The following ASNS variants were observed in gnomAD, a reference collection of about 807,000 sequenced individuals.
ASNS encodes asparagine synthetase [glutamine-hydrolyzing].
In ASNS, 37 loss-of-function variants were observed where a neutral mutation model predicts 62.6. That is an observed-to-expected ratio of 0.59 (90% CI 0.45 to 0.78). The LOEUF (loss-of-function observed/expected upper bound fraction) is 0.78, where lower values mean the gene tolerates loss of function less well. ASNS is among the 30% of genes least tolerant of loss of function. The pLI is 0.00. For synonymous variants in ASNS, 207 were observed against 237.9 expected (o/e 0.87, Z 1.19); for missense variants, 520 against 682.4 (o/e 0.76, Z 2.65).
At chr7:97,858,210 C>T (rs1311389435) in intron 7 of ASNS, 68 bp downstream of exon 7, 271 of 1,571,996 alleles carry the variant, frequency 1.7e-4, no homozygotes, top group Non-Finnish European at 2.2e-4. Context: ...CCATTATTGA[C>T]TCCATTTTCA....
the ASNS span, chr7:97,906,919 C>G: frequency 6.6e-6 from 1 of 152,072 alleles, no homozygotes; most frequent in Admixed American, 6.6e-5. Flanking sequence ...CTCTGTGACT[C>G]TACCTTTTTG....
chr7:97,890,666 G>T, the ASNS span, among the ~76,000 whole-genome samples: 2 of 152,168 alleles, frequency 1.3e-5, no homozygotes, highest in East Asian at 3.8e-4. Context: ...AGGACCATTT[G>T]ATCCCAGGAG....
At chr7:97,916,511 C>A in the ASNS span, among the ~76,000 whole-genome samples, 2 of 152,336 alleles carry the variant, frequency 1.3e-5, no homozygotes, top group East Asian at 3.9e-4. Flanking sequence ...GCAAGCAGCT[C>A]TTTGCAAGCA....
At chr7:97,868,518 C>CGTGTGTGTGT (rs543590888) in intron 3 of ASNS, among the ~76,000 whole-genome samples, 6 of 62,060 alleles carry the variant, frequency 9.7e-5, no homozygotes, top group Admixed American at 4.1e-4. Context: ...TCAGCAAAAA[C>CGTGTGTGTGT]ATGTGTGTGT....
chr7:97,898,899 G>C, the ASNS span: 4 of 1,273,766 alleles, frequency 3.1e-6, no homozygotes, highest in East Asian at 4.6e-5. Context: ...TCATCATTCT[G>C]CAAGTCAGCA....
At chr7:97,876,015 C>G (rs1349493623), upstream of ASNS, among the ~76,000 whole-genome samples, 5 of 152,110 alleles carry the variant, frequency 3.3e-5, no homozygotes, top group Non-Finnish European at 7.4e-5. Flanking sequence ...CACCACCACG[C>G]CTGGCTAAGT....
chr7:97,877,514 T>A (rs149203607), upstream of ASNS, among the ~76,000 whole-genome samples: 616 of 152,238 alleles, frequency 4.0e-3, 4 homozygotes, highest in South Asian at 0.022. Flanking sequence ...TTTAACTGGG[T>A]CTTCTATTTA....
In ASNS at chr7:97,853,046, T is replaced by A; in HGVS notation, c.1476+14A>T. ...ACTGTCTTATTCCTGAAAATGTTTTTAAAGACATTATACCTGATGTTCAAC... is the reference window on the plus strand; with the variant it reads ...ACTGTCTTATTCCTGAAAATGTTTTAAAAGACATTATACCTGATGTTCAAC... On this transcript the variant is annotated intron_variant, in intron 12 of 12. Coordinates refer to ENST00000394308, the MANE Select transcript of ASNS (RefSeq NM_001673.5). 2 of 1,532,770 alleles carry A rather than the reference T, an allele frequency of 1.3e-6. No individual in the cohort carries two copies. Among genetic ancestry groups the A allele is most frequent in the Non-Finnish European group, 1.8e-6 (2 of 1,142,852 alleles). The allele number at this position is 1,532,770 out of a possible 1,614,324, so 94.9% of individuals were successfully genotyped here.
In ASNS at chr7:97,853,177, C is replaced by T. The variant is rs1791270227; in HGVS notation, c.1359G>A (p.Glu453=). ...TCTCTTTGGGTATCAGATTGGAATC[C>T]TCAAACGTCTCTCTCAGGAGATGTT... is the stretch of plus-strand genomic sequence containing the variant. ...IEKHLLRETF[E]DSNLIPKEIL... The change falls in exon 12 of 13, where the codon GAG becomes GAA. Residue 453 remains glutamate, a synonymous_variant. Coordinates refer to ENST00000394308, the MANE Select transcript of ASNS (RefSeq NM_001673.5). 1 of 1,610,018 alleles carries T rather than the reference C, an allele frequency of 6.2e-7. No homozygotes were observed. The highest frequency in any genetic ancestry group is 8.5e-7 in the Non-Finnish European group (1 of 1,178,338).
chr7:97,914,032 A>ATAGATGGG, the ASNS span, among the ~76,000 whole-genome samples: 27 of 142,342 alleles, frequency 1.9e-4, no homozygotes, highest in Non-Finnish European at 3.8e-4. Flanking sequence ...GAGTGGATGG[A>ATAGATGGG]TAGATGGGTT....
chr7:97,920,409 C>T, the ASNS span, among the ~76,000 whole-genome samples: 1 of 152,042 alleles, frequency 6.6e-6, no homozygotes, highest in Non-Finnish European at 1.5e-5. Context: ...CCCCCAATGC[C>T]CCCCGGCCCT....
chr7:97,889,270 G>A, the ASNS span, among the ~76,000 whole-genome samples: 1 of 152,198 alleles, frequency 6.6e-6, no homozygotes, highest in Non-Finnish European at 1.5e-5. Flanking sequence ...TGTAATCCCA[G>A]CACTTTGAGA....
chr7:97,912,638 G>A, the ASNS span, among the ~76,000 whole-genome samples: 1 of 144,740 alleles, frequency 6.9e-6, no homozygotes, highest in Non-Finnish European at 1.5e-5. Context: ...GCTGGAGTGC[G>A]GTGGTGCCAT....
chr7:97,927,794 C>T, the ASNS span, among the ~76,000 whole-genome samples: 2 of 130,156 alleles, frequency 1.5e-5, no homozygotes, highest in Non-Finnish European at 3.4e-5. Flanking sequence ...GTTCAGTGTC[C>T]AGGTGACCCA....
At chr7:97,885,932 G>A in the ASNS span, 1 of 582,704 alleles carries the variant, frequency 1.7e-6, no homozygotes, top group East Asian at 3.8e-5. Flanking sequence ...CCTCCTCCTG[G>A]GATGATGCCA....
At chr7:97,868,050 T>G (rs1188480431) in intron 3 of ASNS, among the ~76,000 whole-genome samples, 1 of 152,094 alleles carries the variant, frequency 6.6e-6, no homozygotes, top group Non-Finnish European at 1.5e-5. Context: ...TATAAAGATA[T>G]TCTTGGTAGC....
At chr7:97,864,695 C>A (rs995530791) in intron 3 of ASNS, among the ~76,000 whole-genome samples, 199 bp from the exon 4 acceptor site, 3 of 151,958 alleles carry the variant, frequency 2.0e-5, no homozygotes, top group Non-Finnish European at 4.4e-5. Context: ...AAAGCCGAAC[C>A]CATGAAAATT....
chr7:97,886,073 G>C, the ASNS span: 2 of 550,010 alleles, frequency 3.6e-6, no homozygotes, highest in South Asian at 3.5e-5. Flanking sequence ...CAACCAGACA[G>C]ATAAGGATAG....
the ASNS span, among the ~76,000 whole-genome samples, chr7:97,889,901 A>T: frequency 1.4e-5 from 2 of 145,010 alleles, no homozygotes; most frequent in Non-Finnish European, 3.0e-5. Context: ...ACTCAGGGAG[A>T]TACAAGAGAA....
Sources: gnomAD v4.1 joint callset for allele counts (sites outside exome capture counted in the v4.1 genomes callset) on GRCh38, gnomAD v4.1.1 for gene constraint, MANE v1.5 for transcripts, NCBI Gene and HGNC (gene_info 2026-07-23, HGNC 2026-07-21) for gene names.